The following LEPR variants were observed in gnomAD, a reference collection of about 807,000 sequenced individuals.
LEPR encodes OB receptor.
A neutral mutation model predicts 114.7 loss-of-function variants in LEPR; 56 were observed. The ratio of observed to expected loss-of-function variants is 0.49; its 90% CI spans 0.39 to 0.61. The LOEUF is 0.61. LEPR is among the 20% of genes least tolerant of loss of function. LEPR has a pLI of 0.00. For synonymous variants in LEPR, 443 were observed against 461.4 expected, an observed-to-expected ratio of 0.96 and a Z score of 0.51; for missense variants, 1,202 against 1,352.9, an observed-to-expected ratio of 0.89 and a Z score of 1.75.
At chr1:65,427,104 G>T (rs1570424415) in intron 2 of LEPR, among the ~76,000 whole-genome samples, 1 of 152,142 alleles carries the variant, frequency 6.6e-6, no homozygotes, top group East Asian at 1.9e-4. Context: ...AACTATTACA[G>T]AAATTGTTTA....
At chr1:65,516,077 C>A (rs993064345) in intron 2 of LEPR, among the ~76,000 whole-genome samples, 1 of 152,100 alleles carries the variant, frequency 6.6e-6, no homozygotes, top group Non-Finnish European at 1.5e-5. Flanking sequence ...TTTACAGTTA[C>A]CATTTGCATT....
intron 1 of LEPR, chr1:65,421,266 G>A (rs1191963223): frequency 6.9e-7 from 1 of 1,458,794 alleles, no homozygotes; most frequent in African/African-American, 1.4e-5. Context: ...CGCAGTCGTG[G>A]AGAGTAGATT....
intron 2 of LEPR, among the ~76,000 whole-genome samples, chr1:65,487,607 A>G (rs1647559872): frequency 6.6e-6 from 1 of 152,144 alleles, no homozygotes; most frequent in African/African-American, 2.4e-5. Context: ...ATGTGATTAC[A>G]TTTACAGACC....
intron 2 of LEPR, among the ~76,000 whole-genome samples, chr1:65,511,015 A>G: frequency 6.6e-6 from 1 of 151,926 alleles, no homozygotes; most frequent in East Asian, 1.9e-4. Flanking sequence ...CCTGTCTCAC[A>G]AAAAAAACAA....
intron 2 of LEPR, among the ~76,000 whole-genome samples, chr1:65,480,467 C>A (rs991290392): frequency 6.6e-6 from 1 of 152,086 alleles, no homozygotes; most frequent in Non-Finnish European, 1.5e-5. Context: ...AAAACACTCC[C>A]TATCTCTGGA....
intron 2 of LEPR, among the ~76,000 whole-genome samples, chr1:65,491,890 C>G (rs531927072): frequency 3.3e-5 from 5 of 152,130 alleles, no homozygotes; most frequent in African/African-American, 1.2e-4. Flanking sequence ...TAGCTTTTGT[C>G]GTTTTGTGTT....
chr1:65,636,685 A>T lies in LEPR; in HGVS notation c.3168A>T (p.Gly1056=). ...CACCACACCTCACATTCTCAGAAGG[A>T]TTGGATGAACTTTTGAAATTGGAGG... ...IISPHLTFSE[G]LDELLKLEGN... Residue 1056 remains glycine, a synonymous_variant, in exon 20 of 20, where the codon GGA becomes GGT. Transcript: ENST00000349533. 1 of 1,609,326 alleles carries T rather than the reference A, an allele frequency of 6.2e-7. No individual in the cohort carries two copies. Among genetic ancestry groups the T allele is most frequent in the Non-Finnish European group, 8.5e-7 (1 of 1,177,136 alleles).
chr1:65,488,540 G>A (rs548541887), intron 2 of LEPR, among the ~76,000 whole-genome samples: 2 of 151,546 alleles, frequency 1.3e-5, no homozygotes, highest in South Asian at 4.2e-4. Context: ...TGTTGCCCAG[G>A]TTGGTGTCAA....
chr1:65,421,494 G>T, intron 1 of LEPR: 1 of 1,535,858 alleles, frequency 6.5e-7, no homozygotes, highest in Non-Finnish European at 8.7e-7. Flanking sequence ...CTGTCGAATA[G>T]AGTAGCATGA....
chr1:65,518,980 CTCTT>C (rs1265582027), intron 2 of LEPR, among the ~76,000 whole-genome samples: 56 of 81,700 alleles, frequency 6.9e-4, no homozygotes, highest in African/African-American at 1.9e-3. Flanking sequence ...TTTTCTCTCT[CTCTT>C]TCCTTCCTTC....
At chr1:65,488,159 C>CCTTCCTTCCTTCCTTT (rs1249504387) in intron 2 of LEPR, among the ~76,000 whole-genome samples, 7 of 65,478 alleles carry the variant, frequency 1.1e-4, no homozygotes, top group African/African-American at 4.9e-4. Context: ...TTCCTTCCTT[C>CCTTCCTTCCTTCCTTT]CTTTCTTTCT....
At chr1:65,503,307 G>T (rs769578536) in intron 2 of LEPR, among the ~76,000 whole-genome samples, 3 of 152,054 alleles carry the variant, frequency 2.0e-5, no homozygotes, top group Non-Finnish European at 4.4e-5. Context: ...TATGAAAATT[G>T]TAAAAAAAAT....
chr1:65,608,722 C>A, intron 11 of LEPR, 31 bp from the exon 12 acceptor site: 1 of 1,602,926 alleles, frequency 6.2e-7, no homozygotes, highest in South Asian at 1.1e-5. Context: ...TTTAAATTAC[C>A]ATCACTTAAT....
At chr1:65,461,551 G>A (rs950250002) in intron 2 of LEPR, among the ~76,000 whole-genome samples, 7 of 152,188 alleles carry the variant, frequency 4.6e-5, no homozygotes, top group Non-Finnish European at 8.8e-5. Flanking sequence ...ATATCCACGA[G>A]TCTGTCCATA....
chr1:65,495,651 G>GT (rs1334604021), intron 2 of LEPR, among the ~76,000 whole-genome samples: 4 of 152,160 alleles, frequency 2.6e-5, no homozygotes, highest in African/African-American at 9.7e-5. Flanking sequence ...ATCAACCTAA[G>GT]TGTCCATCAA....
intron 2 of LEPR, among the ~76,000 whole-genome samples, chr1:65,519,082 C>A (rs1377363855): frequency 6.8e-6 from 1 of 146,478 alleles, no homozygotes; most frequent in Non-Finnish European, 1.5e-5. Flanking sequence ...TTCCTTCTCT[C>A]CTTCCTTCCA....
Position 65,461,218 on chromosome 1 carries a change from G to A in LEPR, c.-21+35840G>A, listed in dbSNP as rs772959745. Among the ~76,000 whole-genome samples the A allele has an allele frequency of 4.0e-5, 6 of 151,846 alleles. No individual in the cohort carries two copies. The East Asian group carries it at 9.7e-4, about 25-fold the overall frequency. On this transcript the variant is annotated intron_variant, in intron 2 of 19. Transcript: ENST00000349533. Reference sequence around the variant, plus strand: ...TCCAACTCCTGGCCTCAAGATATCCGCCTGCCTCGGCCTCCCAAAGTGCTG... The same window carrying A: ...TCCAACTCCTGGCCTCAAGATATCCACCTGCCTCGGCCTCCCAAAGTGCTG...
intron 2 of LEPR, among the ~76,000 whole-genome samples, chr1:65,545,075 C>T (rs1346628705): frequency 2.4e-4 from 36 of 149,300 alleles, no homozygotes; most frequent in Admixed American, 4.0e-4. Flanking sequence ...TTTGTTCTTG[C>T]GATAGTTTAC....
intron 2 of LEPR, among the ~76,000 whole-genome samples, chr1:65,481,047 G>A (rs1647223537): frequency 6.6e-6 from 1 of 152,172 alleles, no homozygotes; most frequent in African/African-American, 2.4e-5. Flanking sequence ...TCAAGGTGTT[G>A]GTAGGTTTGG....
Sources: allele counts gnomAD v4.1 joint callset (sites outside exome capture counted in the v4.1 genomes callset), GRCh38; gene constraint gnomAD v4.1.1; transcripts MANE v1.5; gene names NCBI Gene and HGNC (gene_info 2026-07-23, HGNC 2026-07-21).